The following OMA1 variants were observed in gnomAD, a reference collection of about 807,000 sequenced individuals.
OMA1 encodes metalloendopeptidase OMA1, mitochondrial.
OMA1 carries 38 observed loss-of-function variants against 30.9 expected under a neutral mutation model. The observed-to-expected ratio is 1.23, with a 90% CI of 0.95 to 1.61. The LOEUF is 1.61. Ranked by LOEUF, OMA1 falls within the 40% of genes most tolerant of loss-of-function variation. OMA1 has a pLI of 0.00. For missense variants in OMA1, 461 were observed against 349.2 expected (o/e 1.32, Z -2.55); for synonymous variants, 173 against 121.9 (o/e 1.42, Z -2.76).
intron 6 of OMA1, among the ~76,000 whole-genome samples, chr1:58,527,580 T>A (rs1646372322): frequency 6.6e-6 from 1 of 152,178 alleles, no homozygotes; most frequent in Admixed American, 6.5e-5. Flanking sequence ...CAGTCTGTAG[T>A]ATAAGGAATT....
intron 7 of OMA1, among the ~76,000 whole-genome samples, chr1:58,521,013 G>A (rs1173651039): frequency 6.6e-6 from 1 of 152,118 alleles, no homozygotes; most frequent in Non-Finnish European, 1.5e-5. Flanking sequence ...TCAAGTGCAC[G>A]TCATTTTGAC....
intron 7 of OMA1, among the ~76,000 whole-genome samples, chr1:58,508,131 C>A (rs1646018044): frequency 6.6e-6 from 1 of 151,974 alleles, no homozygotes; most frequent in African/African-American, 2.4e-5. Flanking sequence ...ATTAATTATC[C>A]CTACAGACTA....
chr1:58,526,494 C>T (rs935586851), intron 7 of OMA1, among the ~76,000 whole-genome samples: 3 of 151,008 alleles, frequency 2.0e-5, no homozygotes, highest in African/African-American at 7.3e-5. Flanking sequence ...TAATAACACT[C>T]AGTTATCACA....
chr1:58,480,830 T>A lies in OMA1; in HGVS notation c.*135A>T, dbSNP rs183548341. ...AAAATAAATTCTAGAAGAATTTAGA[T>A]AATATCTGTAATGTACATGATTTGA... On this transcript the variant is annotated 3_prime_UTR_variant, in exon 9 of 9. Transcript: ENST00000371226. The A allele has an allele frequency of 1.7e-3, 933 of 549,130 alleles. 16 individuals carry two copies. In the East Asian group the frequency reaches 0.028, roughly 17 times the overall value. The allele number at this position is 549,130 out of a possible 1,614,324, so 34.0% of individuals were successfully genotyped here. A position where few individuals can be genotyped will look rare whatever the true frequency, so the allele number is the denominator to read the frequency against.
At chr1:58,535,223 G>A (rs973470440) in intron 3 of OMA1, among the ~76,000 whole-genome samples, 6 of 152,148 alleles carry the variant, frequency 3.9e-5, no homozygotes, top group African/African-American at 1.2e-4. Context: ...ATATTCATGA[G>A]AGCTCTTTCA....
chr1:58,527,966 G>A (rs1289402695), intron 6 of OMA1, among the ~76,000 whole-genome samples: 3 of 152,146 alleles, frequency 2.0e-5, no homozygotes, highest in Non-Finnish European at 4.4e-5. Context: ...CTAATTTTCA[G>A]TAAGTACTAA....
intron 5 of OMA1, among the ~76,000 whole-genome samples, chr1:58,532,587 G>C (rs916845236): frequency 6.6e-6 from 1 of 152,112 alleles, no homozygotes; most frequent in Non-Finnish European, 1.5e-5. Flanking sequence ...GAGTGCAGTG[G>C]TGCGATCATG....
intron 1 of OMA1, among the ~76,000 whole-genome samples, chr1:58,540,327 A>G (rs61781824): frequency 0.13 from 20,371 of 151,934 alleles, 1,508 homozygotes; most frequent in African/African-American, 0.19. Flanking sequence ...AAACTATTTA[A>G]CACTTAACAA....
At chr1:58,493,161 A>T (rs988139379) in intron 8 of OMA1, among the ~76,000 whole-genome samples, 1 of 152,240 alleles carries the variant, frequency 6.6e-6, no homozygotes, top group Non-Finnish European at 1.5e-5. Context: ...ACCAACGAGA[A>T]AAACCACATG....
chr1:58,503,493 T>C (rs769405906), intron 8 of OMA1, among the ~76,000 whole-genome samples: 1 of 152,300 alleles, frequency 6.6e-6, no homozygotes, highest in East Asian at 1.9e-4. Flanking sequence ...GCTGCTGATA[T>C]AGAGTGAATG....
rs1172454872 is a variant in OMA1 at position 58,507,166 on chromosome 1, T to G, written c.1216-957A>C. On this transcript the variant is annotated intron_variant, in intron 7 of 8. Transcript: ENST00000371226. ...CCATAAGGTGGATTATTAACAAATA[T>G]TTTATTAATTTGTTCAATTTATTCA... 5.9e-5 allele frequency among the ~76,000 whole-genome samples: 9 copies of G among 152,028 alleles called. No individual in the cohort carries two copies. In the East Asian group the frequency reaches 1.7e-3, roughly 29 times the overall value.
intron 8 of OMA1, among the ~76,000 whole-genome samples, chr1:58,490,064 C>G (rs1645651656): frequency 6.6e-6 from 1 of 152,228 alleles, no homozygotes; most frequent in South Asian, 2.1e-4. Context: ...CACAGCTCGT[C>G]ACCAGCAACA....
intron 6 of OMA1, among the ~76,000 whole-genome samples, chr1:58,527,779 C>G (rs113348116): frequency 2.0e-5 from 3 of 152,232 alleles, no homozygotes; most frequent in African/African-American, 7.2e-5. Flanking sequence ...AAAAAATTAA[C>G]CATATAGCAG....
chr1:58,529,351 A>C (rs1646398244), intron 6 of OMA1, among the ~76,000 whole-genome samples: 1 of 152,236 alleles, frequency 6.6e-6, no homozygotes, highest in African/African-American at 2.4e-5. Context: ...ACAAGAGGAA[A>C]TATTCAAAGA....
At chr1:58,486,964 G>A (rs945305825) in intron 8 of OMA1, among the ~76,000 whole-genome samples, 4 of 152,218 alleles carry the variant, frequency 2.6e-5, no homozygotes, top group Non-Finnish European at 1.5e-5. Context: ...GGAAGACATA[G>A]GAAGAGTCTG....
intron 8 of OMA1, among the ~76,000 whole-genome samples, chr1:58,489,572 T>C (rs1334520191): frequency 1.3e-5 from 2 of 152,314 alleles, no homozygotes; most frequent in Admixed American, 1.3e-4. Flanking sequence ...AATGTCCCTG[T>C]CTGACAGCTT....
chr1:58,493,488 C>T (rs1645736822), intron 8 of OMA1, among the ~76,000 whole-genome samples: 1 of 151,542 alleles, frequency 6.6e-6, no homozygotes, highest in Non-Finnish European at 1.5e-5. Flanking sequence ...TCCCTGTTTG[C>T]AGATGACATG....
At chr1:58,515,693 C>A (rs1230911098) in intron 7 of OMA1, among the ~76,000 whole-genome samples, 2 of 151,984 alleles carry the variant, frequency 1.3e-5, no homozygotes, top group Non-Finnish European at 1.5e-5. Flanking sequence ...AAACAGTAAC[C>A]CAAATAAAAC....
intron 7 of OMA1, among the ~76,000 whole-genome samples, chr1:58,521,443 C>A (rs948515754): frequency 6.6e-6 from 1 of 150,898 alleles, no homozygotes; most frequent in Non-Finnish European, 1.5e-5. Flanking sequence ...AAAATGGTAA[C>A]TGACATAACA....
Sources: allele counts gnomAD v4.1 joint callset (sites outside exome capture counted in the v4.1 genomes callset), GRCh38; gene constraint gnomAD v4.1.1; transcripts MANE v1.5; gene names NCBI Gene and HGNC (gene_info 2026-07-23, HGNC 2026-07-21).